The following CUX1 variants were observed in gnomAD, a reference collection of about 807,000 sequenced individuals.
The protein encoded by CUX1 is cut like homeobox 1.
Under a neutral mutation model 158.8 loss-of-function variants are expected in CUX1, and 31 were observed. That is an observed-to-expected ratio of 0.20 (90% confidence interval 0.15 to 0.26). The LOEUF (loss-of-function observed/expected upper bound fraction) is 0.26, where lower values mean the gene tolerates loss of function less well. CUX1 is among the 10% of genes least tolerant of loss of function. CUX1 has a pLI of 1.00. For missense variants in CUX1, 1,589 were observed against 2,014.6 expected (o/e 0.79, Z 4.04); for synonymous variants, 879 against 862.1 (o/e 1.02, Z -0.34).
Position 102,196,702 on chromosome 7 carries a change from CCTT to C in CUX1, c.1294_1296del (p.Ser432del), listed in dbSNP as rs781978724. 1.9e-5 allele frequency: 31 copies of C among 1,608,566 alleles called. No homozygotes were observed. The highest frequency in any genetic ancestry group is 2.5e-5 in the Non-Finnish European group (29 of 1,176,474). ...CCCGGGATCTTTGCCGGCCCCCCCT[CCTT>C]CTCAGTTGCCCCGCAACCCGGGGGA... On this transcript the variant is annotated inframe_deletion, in exon 15 of 24. Transcript: ENST00000292535.
chr7:101,871,034 C>T (rs1189147687), intron 1 of CUX1, among the ~76,000 whole-genome samples: 1 of 152,186 alleles, frequency 6.6e-6, no homozygotes, highest in Non-Finnish European at 1.5e-5. Context: ...CAGAGCAGGG[C>T]GGACACCCCT....
chr7:101,920,111 ATTTTATTTTT>A (rs1804731892), intron 2 of CUX1, among the ~76,000 whole-genome samples: 4 of 141,282 alleles, frequency 2.8e-5, no homozygotes, highest in East Asian at 2.0e-4. Context: ...ATTTTATTTT[ATTTTATTTTT>A]ATGTGTTTTT....
chr7:102,249,954 G>A lies in CUX1; in HGVS notation c.*912G>A, dbSNP rs1388019130. The A allele has an allele frequency of 4.1e-6, 4 of 985,136 alleles. No homozygotes were observed. The East Asian group carries it at 3.4e-4, about 84-fold the overall frequency. 61.0% of individuals were successfully genotyped at this position (985,136 alleles called of 1,614,324 possible). The stretch of plus-strand genomic sequence containing the variant: ...TTGTACGTGAATAGAATCCTGACAT[G>A]TAGTGCACATTGATGTATAGCTTTA... On this transcript the variant is annotated 3_prime_UTR_variant, in exon 24 of 24. Transcript: ENST00000292535.
intron 8 of CUX1, among the ~76,000 whole-genome samples, chr7:102,136,287 A>G (rs1306321367): frequency 7.9e-5 from 12 of 151,962 alleles, no homozygotes; most frequent in African/African-American, 1.9e-4. Flanking sequence ...CAGTATTTGT[A>G]TAGCCAGTTT....
rs781922611 is a variant in CUX1, at chr7:102,105,504, C to CTTTT, written c.530+1067_530+1070dup. On this transcript the variant is annotated intron_variant, in intron 6 of 23. Transcript: ENST00000292535. The stretch of plus-strand genomic sequence containing the variant: ...GCTTACGGATCCCAACCATATAGAT[C>CTTTT]TTTTTTTTTTTTTTTTTTTTTTTTT... 5.5e-3 allele frequency among the ~76,000 whole-genome samples: 475 copies of CTTTT among 85,856 alleles called. 22 individuals carry two copies. The highest frequency in any genetic ancestry group is 7.4e-3 in the South Asian group (14 of 1,900). 56.3% of individuals were successfully genotyped at this position (85,856 alleles called of 152,430 possible).
intron 11 of CUX1, 108 bp from the exon 12 acceptor site, chr7:102,189,704 TG>T: frequency 8.5e-7 from 1 of 1,180,730 alleles, no homozygotes; most frequent in South Asian, 1.3e-5. Flanking sequence ...TCGCAAGGGC[TG>T]GCTTCCCCTC....
At chr7:102,014,858 CAAAA>C (rs59972216) in intron 2 of CUX1, among the ~76,000 whole-genome samples, 90 of 127,904 alleles carry the variant, frequency 7.0e-4, no homozygotes, top group Non-Finnish European at 6.7e-4. Flanking sequence ...CCCCAACCAC[CAAAA>C]AAAAAAAAAA....
At chr7:101,875,770 C>G (rs1013774111) in intron 1 of CUX1, among the ~76,000 whole-genome samples, 1 of 152,150 alleles carries the variant, frequency 6.6e-6, no homozygotes, top group Admixed American at 6.5e-5. Context: ...CTTTCATCCT[C>G]TATTACGTAG....
rs541296510 is a variant in CUX1, at chr7:101,867,514, A to G, written c.31-48601A>G. On this transcript the variant is annotated intron_variant, in intron 1 of 23. Transcript: ENST00000292535. Reference sequence around the variant, plus strand: ...CCTCAGCACGTGGTGTGTGGCTTCAACCAGGTCACCGTGGGCACACTGGGA... The same window carrying G: ...CCTCAGCACGTGGTGTGTGGCTTCAGCCAGGTCACCGTGGGCACACTGGGA... Among the ~76,000 whole-genome samples, 33 of 152,238 alleles carry G rather than the reference A, an allele frequency of 2.2e-4. No individual in the cohort carries two copies. The South Asian group carries it at 6.8e-3, about 32-fold the overall frequency.
At chr7:101,836,684 C>CAAAAA (rs71755816) in intron 1 of CUX1, among the ~76,000 whole-genome samples, 15 of 77,790 alleles carry the variant, frequency 1.9e-4, no homozygotes, top group Non-Finnish European at 3.4e-4. Context: ...GACTCCTTCT[C>CAAAAA]AAAAAAAAAA....
intron 20 of CUX1, among the ~76,000 whole-genome samples, chr7:102,225,322 T>G (rs1798237618): frequency 6.6e-6 from 1 of 152,234 alleles, no homozygotes; most frequent in Admixed American, 6.5e-5. Flanking sequence ...ATGTTTTATT[T>G]GAGGTTTTGC....
intron 3 of CUX1, among the ~76,000 whole-genome samples, chr7:102,062,464 C>T (rs922392527): frequency 8.5e-5 from 13 of 152,148 alleles, no homozygotes; most frequent in Non-Finnish European, 1.5e-4. Context: ...CTATCATAAG[C>T]GGATACTGAT....
At chr7:102,132,333 C>A (rs1333756146) in intron 8 of CUX1, among the ~76,000 whole-genome samples, 1 of 148,858 alleles carries the variant, frequency 6.7e-6, no homozygotes, top group Non-Finnish European at 1.5e-5. Context: ...GCACGCCACG[C>A]ACACACGCAT....
chr7:102,136,803 A>G lies in CUX1; in HGVS notation c.674+21530A>G, dbSNP rs78633504. Among the ~76,000 whole-genome samples the G allele has an allele frequency of 2.6e-5, 4 of 152,226 alleles. No homozygotes were observed. In the East Asian group the frequency reaches 7.7e-4, roughly 29 times the overall value. On this transcript the variant is annotated intron_variant, in intron 8 of 23. Transcript: ENST00000292535. ...CTTTGCTCCAAGCATTTTGTAATCC[A>G]ATTTTTCTACAGATGGAGTTTATGC...
At chr7:102,122,658 C>T (rs1220780125) in intron 8 of CUX1, among the ~76,000 whole-genome samples, 1 of 152,176 alleles carries the variant, frequency 6.6e-6, no homozygotes, top group African/African-American at 2.4e-5. Context: ...GGTAGAAATT[C>T]CTCTGAGCGC....
intron 2 of CUX1, among the ~76,000 whole-genome samples, chr7:101,978,680 G>A (rs545113473): frequency 1.3e-5 from 2 of 152,156 alleles, no homozygotes; most frequent in African/African-American, 2.4e-5. Flanking sequence ...GCTGGGCCAC[G>A]GCCCCTCTAG....
At chr7:102,042,650 G>A (rs935597183) in intron 3 of CUX1, among the ~76,000 whole-genome samples, 5 of 152,186 alleles carry the variant, frequency 3.3e-5, no homozygotes, top group Admixed American at 6.5e-5. Flanking sequence ...GGGCTGAACC[G>A]AAAAGTCTAT....
chr7:102,243,788 A>G (rs1197168266), intron 23 of CUX1, among the ~76,000 whole-genome samples: 12 of 151,624 alleles, frequency 7.9e-5, no homozygotes, highest in Non-Finnish European at 1.3e-4. Context: ...AGCACTTTGG[A>G]AGGCCAAGGC....
At position 102,023,629 on chromosome 7, in the gene CUX1, A is replaced by T. The variant is rs756414242; in HGVS notation, c.142-4469A>T. Among the ~76,000 whole-genome samples the T allele has an allele frequency of 3.3e-5, 5 of 152,206 alleles. No individual in the cohort carries two copies. In the South Asian group the frequency reaches 1.0e-3, roughly 32 times the overall value. ...GCGTGAGCCGCCGTGCCTGGCCAGA[A>T]TTGAACATCTTTGTATCTTTCTTCT... is the stretch of plus-strand genomic sequence containing the variant. On this transcript the variant is annotated intron_variant, in intron 2 of 23. Coordinates refer to ENST00000292535, the MANE Select transcript of CUX1 (RefSeq NM_181552.4).
Sources: allele counts gnomAD v4.1 joint callset (sites outside exome capture counted in the v4.1 genomes callset), GRCh38; gene constraint gnomAD v4.1.1; transcripts MANE v1.5; gene names NCBI Gene and HGNC (gene_info 2026-07-23, HGNC 2026-07-21).